Variants in CRACDL observed in about 807,000 individuals in gnomAD.
CRACDL encodes the protein CRACD-like protein.
A neutral mutation model predicts 70.6 loss-of-function variants in CRACDL; 26 were observed. That is an observed-to-expected ratio of 0.37 (90% CI 0.27 to 0.51). The LOEUF (loss-of-function observed/expected upper bound fraction) is 0.51. Among genes scored for constraint, CRACDL ranks in the 20% least tolerant of loss-of-function variants. The pLI is 0.94. For synonymous variants in CRACDL, 618 were observed against 615.2 expected (o/e 1.00, Z -0.07); for missense variants, 1,283 against 1,376.9 (o/e 0.93, Z 1.08).
intron 9 of CRACDL, 132 bp from the exon 10 acceptor site, chr2:98,794,803 T>C: frequency 1.5e-6 from 1 of 662,416 alleles, no homozygotes; most frequent in East Asian, 2.8e-5. Context: ...CAATAATATG[T>C]CAACATGTAA....
intron 4 of CRACDL, 110 bp downstream of exon 4, chr2:98,832,752 A>C (rs1172956430): frequency 7.2e-7 from 1 of 1,386,792 alleles, no homozygotes. Context: ...TGTCATGTAC[A>C]TGTGATTCTA....
intron 7 of CRACDL, among the ~76,000 whole-genome samples, chr2:98,799,617 A>G (rs773715736): frequency 3.3e-5 from 5 of 152,176 alleles, no homozygotes; most frequent in Non-Finnish European, 7.3e-5. Flanking sequence ...ATAGCTTGAA[A>G]GAAGTCTCCC....
intron 2 of CRACDL, among the ~76,000 whole-genome samples, chr2:98,839,528 A>G (rs1705929901): frequency 6.6e-6 from 1 of 152,214 alleles, no homozygotes; most frequent in Non-Finnish European, 1.5e-5. Context: ...CACAGCCTCA[A>G]TATCATGACC....
chr2:98,822,575 G>C lies in CRACDL; in HGVS notation c.1698C>G (p.Ala566=), dbSNP rs576428359. 3.2e-4 allele frequency: 464 copies of C among 1,454,302 alleles called. 4 individuals are homozygous for C. The South Asian group carries it at 5.8e-3, about 18-fold the overall frequency. The allele number at this position is 1,454,302 out of a possible 1,614,324, so 90.1% of individuals were successfully genotyped here. ...AGAACTTCTTCGCGCCTCGCAGCTC[G>C]GCACCGCCCCTCTCCGCCTTCCGCT... ...APERKAERGG[A]ELRGAKKFSV... Residue 566 remains alanine, a synonymous_variant, in exon 7 of 10, where the codon GCC becomes GCG. Coordinates refer to ENST00000397899, the MANE Select transcript of CRACDL (RefSeq NM_207362.3). The surrounding 1 kb of genome is among the most constrained non-coding windows in gnomAD (Gnocchi z 4.9).
chr2:98,886,389 C>T (rs549803100), intron 1 of CRACDL, among the ~76,000 whole-genome samples: 76 of 152,294 alleles, frequency 5.0e-4, no homozygotes, highest in Non-Finnish European at 1.0e-3. Context: ...GGGCAAACAA[C>T]AGATTGTCTA....
At chr2:98,911,214 G>T (rs1410887068) in intron 1 of CRACDL, among the ~76,000 whole-genome samples, 1 of 152,206 alleles carries the variant, frequency 6.6e-6, no homozygotes, top group Non-Finnish European at 1.5e-5. Context: ...TTCTGGCCCT[G>T]CCTCCCTCAT....
chr2:98,827,838 C>T (rs1178566442), intron 5 of CRACDL, among the ~76,000 whole-genome samples: 1 of 152,186 alleles, frequency 6.6e-6, no homozygotes, highest in Non-Finnish European at 1.5e-5. Context: ...TCACCTGGTC[C>T]TGTCTCTGGA....
At position 98,823,721 on chromosome 2, in the gene CRACDL, A is replaced by G. The variant is rs1348941749; in HGVS notation, c.736-184T>C. On this transcript the variant is annotated intron_variant, in intron 6 of 9. Transcript: ENST00000397899. This position sits in a 1 kb window ranked among gnomAD's most constrained non-coding sequence, Gnocchi z 4.0. ...GTATCCTACTGGTCTACTTGGGCTCACAAGTTTATCAGGACAATGGCAGAT... is the reference window on the plus strand; with the variant it reads ...GTATCCTACTGGTCTACTTGGGCTCGCAAGTTTATCAGGACAATGGCAGAT... Among the ~76,000 whole-genome samples, 1 of 152,208 alleles carries G rather than the reference A, an allele frequency of 6.6e-6. No individual in the cohort carries two copies. Among genetic ancestry groups the G allele is most frequent in the African/African-American group, 2.4e-5 (1 of 41,456 alleles).
At chr2:98,918,108 A>G (rs75368012) in intron 1 of CRACDL, among the ~76,000 whole-genome samples, 4,365 of 152,284 alleles carry the variant, frequency 0.029, 205 homozygotes, top group African/African-American at 0.1. Flanking sequence ...TTTTAAAATA[A>G]TGATTCCTTT....
intron 1 of CRACDL, among the ~76,000 whole-genome samples, chr2:98,910,032 G>A (rs549768769): frequency 1.6e-3 from 250 of 152,188 alleles, no homozygotes; most frequent in Admixed American, 2.6e-3. Flanking sequence ...CTCCCACATC[G>A]CACTTTCCCT....
intron 1 of CRACDL, among the ~76,000 whole-genome samples, chr2:98,894,761 A>C (rs755837764): frequency 5.3e-5 from 8 of 152,150 alleles, no homozygotes; most frequent in Non-Finnish European, 1.0e-4. Flanking sequence ...CCCTAAGCAG[A>C]ATGTAAGCAA....
chr2:98,934,318 C>T (rs1709155677), intron 1 of CRACDL, among the ~76,000 whole-genome samples: 1 of 151,814 alleles, frequency 6.6e-6, no homozygotes, highest in South Asian at 2.1e-4. Context: ...CCTGCCTCGG[C>T]CTCCCGAGTA....
intron 4 of CRACDL, 120 bp downstream of exon 4, chr2:98,832,742 T>C (rs927839028): frequency 2.3e-6 from 3 of 1,297,536 alleles, no homozygotes; most frequent in Non-Finnish European, 3.3e-6. Context: ...CTGGGGGAGC[T>C]GTCATGTACA....
intron 1 of CRACDL, among the ~76,000 whole-genome samples, chr2:98,929,455 G>C (rs1709016614): frequency 6.6e-6 from 1 of 152,184 alleles, no homozygotes; most frequent in African/African-American, 2.4e-5. Flanking sequence ...ACTCCAAGCA[G>C]CATCTACAGT....
chr2:98,829,922 C>T (rs77208809), intron 5 of CRACDL, among the ~76,000 whole-genome samples: 3 of 152,168 alleles, frequency 2.0e-5, no homozygotes, highest in African/African-American at 2.4e-5. Flanking sequence ...TCTCATCCCC[C>T]CAAAACCCTC....
chr2:98,901,469 A>T (rs993582933), intron 1 of CRACDL, among the ~76,000 whole-genome samples: 2 of 152,198 alleles, frequency 1.3e-5, no homozygotes, highest in African/African-American at 4.8e-5. Context: ...GGCAGAGCAG[A>T]TGACCTGGGT....
At chr2:98,930,026 C>T (rs1158847448) in intron 1 of CRACDL, among the ~76,000 whole-genome samples, 1 of 152,122 alleles carries the variant, frequency 6.6e-6, no homozygotes, top group African/African-American at 2.4e-5. Context: ...TCAAAATTCG[C>T]TTCCCCACTG....
Position 98,821,938 on chromosome 2 carries a change from G to T in CRACDL, c.2335C>A (p.Pro779Thr), listed in dbSNP as rs548982163. The change falls in exon 7 of 10, where the codon CCC (proline) becomes ACC (threonine). Residue 779 changes from proline to threonine, a missense_variant. Pro to Thr is a conservative substitution (Grantham distance 38). This residue lies in a region of CRACDL where 921 missense variants were observed against 881.9 expected (regional missense o/e 1.04). Transcript: ENST00000397899. ...QSFTLPHQPA[P>T]PDAGPGEREP... The stretch of plus-strand genomic sequence containing the variant: ...CGCTCTCCCGGGCCGGCGTCGGGGG[G>T]CGCGGGCTGGTGCGGGAGCGTGAAG... The T allele has an allele frequency of 6.6e-5, 103 of 1,564,692 alleles. No individual in the cohort carries two copies. In the East Asian group the frequency reaches 1.2e-3, roughly 18 times the overall value.
intron 1 of CRACDL, among the ~76,000 whole-genome samples, chr2:98,858,795 TAAG>T (rs751125175): frequency 6.6e-6 from 1 of 152,052 alleles, no homozygotes; most frequent in Non-Finnish European, 1.5e-5. Context: ...AAACCAATAA[TAAG>T]AAGGCATCAC....
Sources: allele counts gnomAD v4.1 joint callset (sites outside exome capture counted in the v4.1 genomes callset), GRCh38; gene constraint gnomAD v4.1.1; regional missense constraint gnomAD v4.1.1; non-coding constraint Gnocchi (gnomAD v3.1); transcripts MANE v1.5; gene names NCBI Gene and HGNC (gene_info 2026-07-23, HGNC 2026-07-21).